CTBP2: variants seen among roughly 807,000 people sequenced by gnomAD.
CTBP2 encodes the protein C-terminal binding protein 2.
CTBP2 carries 30 observed loss-of-function variants against 80.3 expected under a neutral mutation model. That is an observed-to-expected ratio of 0.37 (90% CI 0.28 to 0.51). The LOEUF (loss-of-function observed/expected upper bound fraction) is 0.51. Among genes scored for constraint, CTBP2 ranks in the 20% least tolerant of loss-of-function variants. The pLI, the probability that CTBP2 is intolerant of heterozygous loss-of-function variation, is 0.93. For missense variants in CTBP2, 1,212 were observed against 1,375.3 expected (o/e 0.88, Z 1.88); for synonymous variants, 594 against 587.4 (o/e 1.01, Z -0.16).
At chr10:125,080,476 G>A (rs1055421393) in intron 2 of CTBP2, among the ~76,000 whole-genome samples, 8 of 152,290 alleles carry the variant, frequency 5.3e-5, no homozygotes, top group South Asian at 2.1e-4. Context: ...GGGATTGAGC[G>A]CTGTCGACCT....
chr10:125,073,905 G>A (rs935034), intron 2 of CTBP2, among the ~76,000 whole-genome samples: 2,038 of 152,242 alleles, frequency 0.013, 56 homozygotes, highest in African/African-American at 0.045. Flanking sequence ...TTCCCAGGAC[G>A]GTCTGTTCTT....
chr10:125,161,491 G>A (rs974280292), upstream of CTBP2, among the ~76,000 whole-genome samples: 1 of 152,030 alleles, frequency 6.6e-6, no homozygotes, highest in African/African-American at 2.4e-5. Context: ...CGGCCCCCGG[G>A]CTCCAACTTC....
intron 1 of CTBP2, among the ~76,000 whole-genome samples, chr10:125,134,235 C>G (rs1423333343): frequency 3.3e-5 from 5 of 152,216 alleles, no homozygotes; most frequent in Non-Finnish European, 7.3e-5. Context: ...ATTCCCAACT[C>G]AGAGGTGGAG....
At chr10:125,052,760 G>A (rs1020060233) in intron 2 of CTBP2, among the ~76,000 whole-genome samples, 2 of 152,296 alleles carry the variant, frequency 1.3e-5, no homozygotes, top group East Asian at 1.9e-4. Context: ...AGGCACCATC[G>A]GTTCCTGCTT....
intron 2 of CTBP2, among the ~76,000 whole-genome samples, chr10:125,073,331 T>G (rs570473190): frequency 5.9e-5 from 9 of 152,180 alleles, no homozygotes; most frequent in African/African-American, 2.2e-4. Flanking sequence ...CCGAGTTCAA[T>G]TGACCAGGTT....
intron 2 of CTBP2, among the ~76,000 whole-genome samples, chr10:125,071,243 C>T (rs1163966744): frequency 3.3e-5 from 5 of 152,224 alleles, no homozygotes; most frequent in South Asian, 2.1e-4. Context: ...GGAGCATTTG[C>T]GGGAAGGCCC....
chr10:125,004,235 C>G (rs1237771948), intron 1 of CTBP2, among the ~76,000 whole-genome samples: 1 of 152,184 alleles, frequency 6.6e-6, no homozygotes, highest in East Asian at 1.9e-4. Context: ...TCTGGACCAG[C>G]GCGGCTGCAT....
intron 1 of CTBP2, among the ~76,000 whole-genome samples, chr10:125,111,522 T>C (rs549161281): frequency 6.6e-6 from 1 of 152,380 alleles, no homozygotes; most frequent in African/African-American, 2.4e-5. Context: ...GCTATTAGCA[T>C]AAATGCTGAC....
At chr10:125,026,037 C>T (rs1354544417) in intron 1 of CTBP2, 4 of 1,529,710 alleles carry the variant, frequency 2.6e-6, no homozygotes, top group Non-Finnish European at 3.5e-6. Flanking sequence ...CACCCCCCTG[C>T]TCCCCCCAGG....
rs529244775 is a variant in CTBP2 at position 125,115,569 on chromosome 10, C to G, written c.-205-4476G>C. Among the ~76,000 whole-genome samples the G allele has an allele frequency of 5.3e-5, 8 of 152,302 alleles. No individual in the cohort carries two copies. The South Asian group carries it at 1.7e-3, about 32-fold the overall frequency. On this transcript the variant is annotated intron_variant, in intron 1 of 10. Coordinates refer to the CTBP2 transcript ENST00000337195. ...TGAAAGAGAGAACCCATGGAAGGTT[C>G]GTCCCAAGGCCTGCATACAGCAAGC...
At chr10:125,157,959 T>C (rs1474653899) in intron 1 of CTBP2, among the ~76,000 whole-genome samples, 1 of 152,220 alleles carries the variant, frequency 6.6e-6, no homozygotes, top group African/African-American at 2.4e-5. Context: ...AAAGAATATT[T>C]AGCGTTTCAA....
chr10:125,005,913 G>A, intron 1 of CTBP2: 1 of 1,510,062 alleles, frequency 6.6e-7, no homozygotes, highest in Non-Finnish European at 8.8e-7. Flanking sequence ...AGAAATCCAA[G>A]CTGTTCGTTA....
chr10:125,117,189 G>A lies in CTBP2; in HGVS notation c.-205-6096C>T, dbSNP rs184951437. On this transcript the variant is annotated intron_variant, in intron 1 of 10. Coordinates refer to the CTBP2 transcript ENST00000337195. ...CCCGACTCTCTTCAGTTGCAGTGAG[G>A]ACGCGCAGTACAACGCATTGTAACG... Among the ~76,000 whole-genome samples the A allele has an allele frequency of 2.6e-5, 4 of 152,348 alleles. No homozygotes were observed. In the East Asian group the frequency reaches 7.7e-4, roughly 29 times the overall value.
chr10:125,104,280 AC>A (rs1198459154), intron 2 of CTBP2, among the ~76,000 whole-genome samples: 2 of 152,142 alleles, frequency 1.3e-5, no homozygotes, highest in Non-Finnish European at 2.9e-5. Context: ...CGGAAATTAA[AC>A]ACTGTCATCA....
intron 1 of CTBP2, among the ~76,000 whole-genome samples, chr10:125,132,443 T>G (rs760884174): frequency 1.3e-5 from 2 of 152,186 alleles, no homozygotes; most frequent in Non-Finnish European, 2.9e-5. Context: ...GGAATGGCCA[T>G]TTCACAGATG....
intron 3 of CTBP2, among the ~76,000 whole-genome samples, chr10:125,036,531 C>T (rs985296001): frequency 4.0e-5 from 6 of 151,892 alleles, no homozygotes; most frequent in South Asian, 2.1e-4. Context: ...ACCTAAGGGA[C>T]GCAGAAGTCC....
At chr10:125,054,836 T>A (rs1963543100) in intron 2 of CTBP2, among the ~76,000 whole-genome samples, 1 of 152,212 alleles carries the variant, frequency 6.6e-6, no homozygotes, top group Non-Finnish European at 1.5e-5. Context: ...CAGACTGACA[T>A]GAGGTCTGTG....
In CTBP2 at chr10:125,120,634, G is replaced by A. The variant is rs371557334; in HGVS notation, c.-205-9541C>T. On this transcript the variant is annotated intron_variant, in intron 1 of 10. Coordinates refer to the CTBP2 transcript ENST00000337195. ...ACTCCTGAACTCAGGTGATCTGCCCGCCTTGGCCTCCCAATGTTCTGGGAT... is the reference window on the plus strand; with the variant it reads ...ACTCCTGAACTCAGGTGATCTGCCCACCTTGGCCTCCCAATGTTCTGGGAT... Among the ~76,000 whole-genome samples, 220 of 152,266 alleles carry A rather than the reference G, an allele frequency of 1.4e-3. 1 individual carries two copies. The highest frequency in any genetic ancestry group is 0.014 in the Middle Eastern group (4 of 294).
At chr10:125,097,629 C>T (rs774505459) in intron 2 of CTBP2, among the ~76,000 whole-genome samples, 9 of 152,102 alleles carry the variant, frequency 5.9e-5, no homozygotes, top group Admixed American at 2.0e-4. Flanking sequence ...AATTTGTACA[C>T]GTGTGCATAT....
Sources: gnomAD v4.1 joint callset for allele counts (sites outside exome capture counted in the v4.1 genomes callset) on GRCh38, gnomAD v4.1.1 for gene constraint, MANE v1.5 for transcripts, NCBI Gene and HGNC (gene_info 2026-07-23, HGNC 2026-07-21) for gene names.